Variants in CNRIP1 observed in about 807,000 individuals in gnomAD.
CNRIP1 encodes the protein CB1 cannabinoid receptor-interacting protein 1.
CNRIP1 carries 10 observed loss-of-function variants against 15.2 expected under a neutral mutation model. The ratio of observed to expected loss-of-function variants is 0.66; its 90% CI spans 0.41 to 1.12. The LOEUF (loss-of-function observed/expected upper bound fraction) is 1.12, where lower values mean the gene tolerates loss of function less well. Ranked by LOEUF, CNRIP1 falls within the 50% of genes most tolerant of loss-of-function variation. CNRIP1 has a pLI of 0.00. For missense variants in CNRIP1, 211 were observed against 214.7 expected, an observed-to-expected ratio of 0.98 and a Z score of 0.11; for synonymous variants, 91 against 83.2, an observed-to-expected ratio of 1.09 and a Z score of -0.51.
chr2:68,302,886 G>A (rs1023662711), intron 2 of CNRIP1, among the ~76,000 whole-genome samples: 3 of 130,498 alleles, frequency 2.3e-5, no homozygotes, highest in Non-Finnish European at 3.1e-5. Flanking sequence ...TCTCCCTGTC[G>A]CCCAGGCTGG....
chr2:68,302,804 A>G (rs1168855971), intron 2 of CNRIP1, among the ~76,000 whole-genome samples: 1 of 150,704 alleles, frequency 6.6e-6, no homozygotes, highest in African/African-American at 2.4e-5. Flanking sequence ...TCCCCCAAAT[A>G]GCCAGTTATC....
chr2:68,292,561 G>A (rs1023522820), downstream of CNRIP1, among the ~76,000 whole-genome samples: 1 of 152,198 alleles, frequency 6.6e-6, no homozygotes, highest in East Asian at 1.9e-4. Flanking sequence ...TTGGAAAATA[G>A]CATGTTACTT....
chr2:68,284,443 A>G (rs1397959417), exon 3 of CNRIP1: 5 of 1,530,164 alleles, frequency 3.3e-6, no homozygotes, highest in South Asian at 2.5e-5. Flanking sequence ...CTTCACATTC[A>G]TATGTAAGAG....
rs117753683 is a variant in CNRIP1, at chr2:68,299,854, G to C, written c.331-5828C>G. On this transcript the variant is annotated intron_variant, in intron 2 of 2. Coordinates refer to ENST00000263655, the MANE Select transcript of CNRIP1 (RefSeq NM_015463.3). ...TTACAACCCACTGGCATAGAATCTC[G>C]AGTGTACTTCTTTCTATTCACCATG... Among the ~76,000 whole-genome samples the C allele has an allele frequency of 1.7e-4, 26 of 152,278 alleles. No individual in the cohort carries two copies. The East Asian group carries it at 4.8e-3, about 28-fold the overall frequency.
chr2:68,309,841 A>G (rs1268918612), intron 2 of CNRIP1, among the ~76,000 whole-genome samples: 1 of 152,248 alleles, frequency 6.6e-6, no homozygotes, highest in Non-Finnish European at 1.5e-5. Flanking sequence ...TATGAAGGAT[A>G]GTGGGACATG....
downstream of CNRIP1, among the ~76,000 whole-genome samples, chr2:68,289,726 C>T (rs1466740147): frequency 6.6e-6 from 1 of 152,194 alleles, no homozygotes; most frequent in African/African-American, 2.4e-5. Context: ...AGCGAGCCAC[C>T]TGCATTGGCC....
chr2:68,293,975 A>G lies in CNRIP1; in HGVS notation c.382T>C (p.Tyr128His), dbSNP rs748919230. 6.2e-7 allele frequency: 1 copy of G among 1,614,090 alleles called. No individual in the cohort carries two copies. Among genetic ancestry groups the G allele is most frequent in the Non-Finnish European group, 8.5e-7 (1 of 1,179,982 alleles). The change falls in exon 3 of 3, where the codon TAC (tyrosine) becomes CAC (histidine). Residue 128 changes from tyrosine (Y) to histidine (H), a missense_variant. Transcript: ENST00000263655. ...ETVWQVKFYN[Y>H]HKRDHCQWGS... ...CACTGGCAGTGATCCCGCTTGTGGT[A>G]ATTGTAGAACTTGACTTGCCACACT... is the stretch of plus-strand genomic sequence containing the variant.
chr2:68,303,178 T>G (rs1671684823), intron 2 of CNRIP1, among the ~76,000 whole-genome samples: 1 of 152,196 alleles, frequency 6.6e-6, no homozygotes, highest in African/African-American at 2.4e-5. Flanking sequence ...GTATCAACTT[T>G]GGACTCTTAA....
chr2:68,317,036 C>T, intron 2 of CNRIP1, 121 bp downstream of exon 2: 1 of 1,224,322 alleles, frequency 8.2e-7, no homozygotes, highest in South Asian at 1.2e-5. Context: ...ATCCACAACT[C>T]AATTTCCACA....
At chr2:68,298,952 G>T (rs1343991269) in intron 2 of CNRIP1, among the ~76,000 whole-genome samples, 1 of 152,146 alleles carries the variant, frequency 6.6e-6, no homozygotes, top group East Asian at 1.9e-4. Context: ...CTCCTGGGTG[G>T]TACAATTTAT....
chr2:68,313,951 C>A (rs1019187560), intron 2 of CNRIP1, among the ~76,000 whole-genome samples: 1 of 152,102 alleles, frequency 6.6e-6, no homozygotes, highest in African/African-American at 2.4e-5. Flanking sequence ...CATTAGAATA[C>A]ATACGCTGTC....
At chr2:68,308,188 G>T (rs1671930746) in intron 2 of CNRIP1, among the ~76,000 whole-genome samples, 1 of 151,234 alleles carries the variant, frequency 6.6e-6, no homozygotes, top group Admixed American at 6.6e-5. Context: ...GTGAGATTCT[G>T]TCTCTTATTA....
chr2:68,313,978 T>C (rs1326985757), intron 2 of CNRIP1, among the ~76,000 whole-genome samples: 1 of 152,176 alleles, frequency 6.6e-6, no homozygotes, highest in Non-Finnish European at 1.5e-5. Context: ...TCTTGACTTT[T>C]ACAACTACTC....
chr2:68,294,505 T>C (rs953909583), intron 2 of CNRIP1, among the ~76,000 whole-genome samples: 11 of 152,026 alleles, frequency 7.2e-5, no homozygotes, highest in African/African-American at 2.2e-4. Context: ...CAAACCCCCA[T>C]GTTCATCCCC....
At chr2:68,305,452 G>T (rs1426292097) in intron 2 of CNRIP1, among the ~76,000 whole-genome samples, 4 of 151,776 alleles carry the variant, frequency 2.6e-5, no homozygotes, top group Non-Finnish European at 4.4e-5. Flanking sequence ...TTCGTCAAGG[G>T]AAATGTCATC....
At chr2:68,290,014 A>G (rs1671123349), downstream of CNRIP1, among the ~76,000 whole-genome samples, 1 of 149,274 alleles carries the variant, frequency 6.7e-6, no homozygotes, top group African/African-American at 2.5e-5. Context: ...ATTTTTGCCC[A>G]GAATCTGAAC....
downstream of CNRIP1, among the ~76,000 whole-genome samples, chr2:68,290,849 A>G (rs1345335209): frequency 6.6e-6 from 1 of 152,250 alleles, no homozygotes; most frequent in Non-Finnish European, 1.5e-5. Flanking sequence ...GTCACAAAAT[A>G]TAAACTCAAG....
In CNRIP1 at chr2:68,317,286, C is replaced by A; in HGVS notation, c.201G>T (p.Val67=). 2 of 1,614,058 alleles carry A rather than the reference C, an allele frequency of 1.2e-6. No homozygotes were observed. The highest frequency in any genetic ancestry group is 2.2e-5 in the South Asian group (2 of 91,088). The change falls in exon 2 of 3, where the codon GTG becomes GTT. Residue 67 remains valine, a synonymous_variant. Transcript: ENST00000263655. ...LQVENISIGG[V]LVPLELKSKE... Reference sequence around the variant, plus strand: ...TAGACTTCAGTTCCAGTGGGACAAGCACACCACCAATGGAAATATTCCTGC... The same window carrying A: ...TAGACTTCAGTTCCAGTGGGACAAGAACACCACCAATGGAAATATTCCTGC...
At chr2:68,285,364 A>G (rs1671003739) in intron 2 of CNRIP1, among the ~76,000 whole-genome samples, 1 of 152,224 alleles carries the variant, frequency 6.6e-6, no homozygotes. Context: ...CAAGGACCAC[A>G]TTGGCCAAAG....
Sources: allele counts gnomAD v4.1 joint callset (sites outside exome capture counted in the v4.1 genomes callset), GRCh38; gene constraint gnomAD v4.1.1; transcripts MANE v1.5; gene names NCBI Gene and HGNC (gene_info 2026-07-23, HGNC 2026-07-21).